Variants in ESRRA observed in about 807,000 individuals in gnomAD.
ESRRA encodes the protein steroid hormone receptor ERR1.
In ESRRA, 7 loss-of-function variants were observed where a neutral mutation model predicts 35.6. The observed-to-expected ratio is 0.20, with a 90% CI of 0.11 to 0.37. The LOEUF is 0.37. Ranked by LOEUF, ESRRA falls within the 10% of genes least tolerant of loss-of-function variation. The probability of loss-of-function intolerance (pLI) is 1.00; values close to 1 mark genes in which losing one functional copy is unlikely to be tolerated. For missense variants in ESRRA, 378 were observed against 561.7 expected (o/e 0.67, Z 3.31); for synonymous variants, 223 against 246.9 (o/e 0.90, Z 0.91).
At position 64,305,847 on chromosome 11, in the gene ESRRA, C is replaced by G. The variant is rs917584059; in HGVS notation, c.-13+111C>G. On this transcript the variant is annotated intron_variant, in intron 1 of 6. Coordinates refer to ENST00000000442, the MANE Select transcript of ESRRA (RefSeq NM_004451.5). The surrounding 1 kb of genome is among the most constrained non-coding windows in gnomAD (Gnocchi z 5.8). ...GGCGGGCTGCAGGCGGGGTCCGACT[C>G]TGGGGCCAGTCCGGGCCACGGTTGG... 2.0e-5 allele frequency: 3 copies of G among 151,848 alleles called. No individual in the cohort carries two copies. Among genetic ancestry groups the G allele is most frequent in the African/African-American group, 7.3e-5 (3 of 41,232 alleles). 9.4% of individuals were successfully genotyped at this position (151,848 alleles called of 1,614,324 possible). A position where few individuals can be genotyped will look rare whatever the true frequency, so the allele number is the denominator to read the frequency against.
chr11:64,315,366 A>G (rs536974891), intron 6 of ESRRA, 96 bp downstream of exon 6: 1 of 1,365,706 alleles, frequency 7.3e-7, no homozygotes, highest in Admixed American at 2.8e-5. Context: ...CAGATAACGA[A>G]AACTGAGGCT....
At chr11:64,310,536 G>GT (rs1185768710) in intron 2 of ESRRA, among the ~76,000 whole-genome samples, 2,664 of 100,464 alleles carry the variant, frequency 0.027, 360 homozygotes, top group African/African-American at 0.06. Context: ...TCCTGGCCAG[G>GT]TTTTTTTTTT....
intron 4 of ESRRA, 106 bp downstream of exon 4, chr11:64,314,473 A>T: frequency 7.6e-7 from 1 of 1,320,810 alleles, no homozygotes; most frequent in Non-Finnish European, 1.0e-6. Context: ...CTCTTCACTC[A>T]CTCATTTCCC....
Position 64,314,073 on chromosome 11 carries a change from C to T in ESRRA, c.442+6C>T, listed in dbSNP as rs554166989. The T allele has an allele frequency of 1.2e-4, 191 of 1,583,068 alleles. No individual in the cohort carries two copies. Among genetic ancestry groups the T allele is most frequent in the East Asian group, 7.3e-4 (32 of 43,934 alleles). On this transcript the variant is annotated splice_donor_region_variant and intron_variant, in intron 3 of 6. Coordinates refer to ENST00000000442, the MANE Select transcript of ESRRA (RefSeq NM_004451.5). ...GGTGGGCATGCTCAAGGAGGGTGAG[C>T]GCTGGGCAGGGGCTGGGCGAGGGCT...
In ESRRA at chr11:64,313,305, G is replaced by A. The variant is rs1274859570; in HGVS notation, c.326-646G>A. ...ACGTAGGCTGTGTTCGGTCCGAGAT[G>A]CCTTCTAGACATGCAGGATGTCAAG... is the stretch of plus-strand genomic sequence containing the variant. On this transcript the variant is annotated intron_variant, in intron 2 of 6. Coordinates refer to ENST00000000442, the MANE Select transcript of ESRRA (RefSeq NM_004451.5). This position sits in a 1 kb window ranked among gnomAD's most constrained non-coding sequence, Gnocchi z 4.0. Among the ~76,000 whole-genome samples the A allele has an allele frequency of 6.6e-6, 1 of 152,190 alleles. No homozygotes were observed. Among genetic ancestry groups the A allele is most frequent in the African/African-American group, 2.4e-5 (1 of 41,424 alleles).
At chr11:64,308,085 T>C (rs866534400) in intron 2 of ESRRA, among the ~76,000 whole-genome samples, 1 of 152,010 alleles carries the variant, frequency 6.6e-6, no homozygotes, top group South Asian at 2.1e-4. Context: ...AGAGACGACG[T>C]TTCACCATGT....
At chr11:64,310,668 C>T (rs1005316834) in intron 2 of ESRRA, among the ~76,000 whole-genome samples, 4 of 151,746 alleles carry the variant, frequency 2.6e-5, no homozygotes, top group Non-Finnish European at 4.4e-5. Flanking sequence ...CTGCCTCAGC[C>T]TCCCAAGTAG....
At chr11:64,312,489 T>C (rs1179830066) in intron 2 of ESRRA, among the ~76,000 whole-genome samples, 1 of 152,094 alleles carries the variant, frequency 6.6e-6, no homozygotes, top group Non-Finnish European at 1.5e-5. Context: ...TAGGAGAAAA[T>C]GCACCGCGAG....
At chr11:64,315,653 A>C (rs1181833467) in intron 6 of ESRRA, 54 bp from the exon 7 acceptor site, 1 of 1,599,528 alleles carries the variant, frequency 6.3e-7, no homozygotes, top group Admixed American at 1.7e-5. Context: ...AGATACGGGG[A>C]GTGCCCTTGC....
intron 1 of ESRRA, chr11:64,306,904 G>A (rs1178695851): frequency 5.6e-6 from 2 of 357,040 alleles, no homozygotes; most frequent in Non-Finnish European, 5.0e-6. Context: ...CTGGGTGGGA[G>A]TAGGGGCTTT....
At position 64,307,378 on chromosome 11, in the gene ESRRA, G is replaced by A; in HGVS notation, c.199G>A (p.Gly67Arg). Residue 67 changes from glycine to arginine, a missense_variant, in exon 2 of 7, where the codon GGG becomes AGG. By Grantham distance (125) the Gly-to-Arg change is moderately radical (BLOSUM62 -2). This residue lies in a region of ESRRA where 87 missense variants were observed against 92.6 expected (regional missense o/e 0.94). Transcript: ENST00000000442. ...GGCTGGGCCTGGCGAGCAGGGCGGT[G>A]GGAAGCTGGTGCTCAGCTCCCTGCC... ...EGAGPGEQGG[G>R]KLVLSSLPKR... 6.2e-7 allele frequency: 1 copy of A among 1,604,240 alleles called. No individual in the cohort carries two copies. Among genetic ancestry groups the A allele is most frequent in the Admixed American group, 1.7e-5 (1 of 59,364 alleles).
intron 2 of ESRRA, among the ~76,000 whole-genome samples, chr11:64,312,708 G>C (rs1329979706): frequency 6.6e-6 from 1 of 152,202 alleles, no homozygotes; most frequent in Non-Finnish European, 1.5e-5. Context: ...GTTGTGCTGA[G>C]GGCTGAAGAG....
At chr11:64,310,661 C>T in intron 2 of ESRRA, among the ~76,000 whole-genome samples, 1 of 151,220 alleles carries the variant, frequency 6.6e-6, no homozygotes. Context: ...CATTCACCTG[C>T]CTCAGCCTCC....
rs1379184766 is a variant in ESRRA, at chr11:64,314,269, G to A, written c.473G>A (p.Arg158Gln). ...GVRLDRVRGG[R>Q]QKYKRRPEVD... ...CGCCTGGACCGCGTCCGGGGTGGGCGGCAGAAGTACAAGCGGCGGCCGGAG... is the reference window on the plus strand; with the variant it reads ...CGCCTGGACCGCGTCCGGGGTGGGCAGCAGAAGTACAAGCGGCGGCCGGAG... The change falls in exon 4 of 7, where the codon CGG (arginine) becomes CAG (glutamine). Residue 158 changes from arginine (R) to glutamine (Q), a missense_variant. Coordinates refer to ENST00000000442, the MANE Select transcript of ESRRA (RefSeq NM_004451.5). 1.2e-6 allele frequency: 2 copies of A among 1,612,220 alleles called. No individual in the cohort carries two copies. Among genetic ancestry groups the A allele is most frequent in the Non-Finnish European group, 1.7e-6 (2 of 1,179,724 alleles).
Position 64,316,237 on chromosome 11 carries a change from C to T in ESRRA, c.*271C>T. On this transcript the variant is annotated 3_prime_UTR_variant, in exon 7 of 7. Transcript: ENST00000000442. ...AGAGTGTAGGGGGCCTTGCGGAAGC[C>T]ATAGGGGGCTGCACGGGATGCGTGG... is the stretch of plus-strand genomic sequence containing the variant. The T allele has an allele frequency of 5.0e-6, 2 of 400,286 alleles. No individual in the cohort carries two copies. Among genetic ancestry groups the T allele is most frequent in the Non-Finnish European group, 9.1e-6 (2 of 220,800 alleles). The allele number at this position is 400,286 out of a possible 1,614,324, so 24.8% of individuals were successfully genotyped here.
At chr11:64,308,738 C>G (rs2035083283) in intron 2 of ESRRA, among the ~76,000 whole-genome samples, 1 of 150,608 alleles carries the variant, frequency 6.6e-6, no homozygotes, top group South Asian at 2.1e-4. Flanking sequence ...ATGGCGTGAA[C>G]CCAGGAGGCG....
At chr11:64,307,794 A>G (rs1442674169) in intron 2 of ESRRA, among the ~76,000 whole-genome samples, 2 of 152,170 alleles carry the variant, frequency 1.3e-5, no homozygotes, top group Non-Finnish European at 1.5e-5. Flanking sequence ...TCTGTTCCTA[A>G]GCTTTGTTCT....
intron 2 of ESRRA, among the ~76,000 whole-genome samples, chr11:64,312,518 C>G (rs2035161881): frequency 6.6e-6 from 1 of 152,216 alleles, no homozygotes; most frequent in Non-Finnish European, 1.5e-5. Context: ...TGCTGCGGGC[C>G]TGCTGTCTAG....
At position 64,315,150 on chromosome 11, in the gene ESRRA, C is replaced by T. The variant is rs770177099; in HGVS notation, c.892C>T (p.Arg298Trp). ...EDLVLDEEGA[R>W]AAGLGELGAA... ...CTTAGTCCTGGATGAAGAGGGGGCA[C>T]GGGCAGCTGGCCTGGGGGAACTGGG... Residue 298 changes from arginine to tryptophan, a missense_variant, in exon 6 of 7, where the codon CGG becomes TGG. Arg to Trp is a moderately radical substitution (Grantham distance 101). This residue lies in a region of ESRRA where 284 missense variants were observed against 411.7 expected (regional missense o/e 0.69). Coordinates refer to ENST00000000442, the MANE Select transcript of ESRRA (RefSeq NM_004451.5). 1.2e-6 allele frequency: 2 copies of T among 1,612,808 alleles called. No individual in the cohort carries two copies. The highest frequency in any genetic ancestry group is 2.2e-5 in the East Asian group (1 of 44,896).
Sources: gnomAD v4.1 joint callset for allele counts (sites outside exome capture counted in the v4.1 genomes callset) on GRCh38, gnomAD v4.1.1 for gene constraint, gnomAD v4.1.1 regional missense constraint, Gnocchi (gnomAD v3.1) non-coding constraint, MANE v1.5 for transcripts, NCBI Gene and HGNC (gene_info 2026-07-23, HGNC 2026-07-21) for gene names.